ARHGEF40: variants seen among roughly 807,000 people sequenced by gnomAD.
ARHGEF40 encodes the protein Rho guanine nucleotide exchange factor 40.
ARHGEF40 carries 98 observed loss-of-function variants against 165.9 expected under a neutral mutation model. That is an observed-to-expected ratio of 0.59 (90% CI 0.50 to 0.70). The LOEUF (loss-of-function observed/expected upper bound fraction) is 0.70. Among genes scored for constraint, ARHGEF40 ranks in the 30% least tolerant of loss-of-function variants. ARHGEF40 has a pLI of 0.00. For missense variants in ARHGEF40, 1,815 were observed against 1,968.0 expected, an observed-to-expected ratio of 0.92 and a Z score of 1.47; for synonymous variants, 792 against 814.3, an observed-to-expected ratio of 0.97 and a Z score of 0.47.
chr14:21,080,862 C>T lies in ARHGEF40; in HGVS notation c.2497-11C>T, dbSNP rs753196092. 2 of 1,612,570 alleles carry T rather than the reference C, an allele frequency of 1.2e-6. No individual in the cohort carries two copies. The highest frequency in any genetic ancestry group is 2.2e-5 in the South Asian group (2 of 90,900). On this transcript the variant is annotated splice_polypyrimidine_tract_variant and intron_variant, in intron 12 of 23. Transcript: ENST00000298694. ...TGAGGACCAGGTCTGAGCGCAGCCT[C>T]CCTTCTCCAGGAGCGCCTGGCCCAG...
chr14:21,079,238 C>T (rs960393895), intron 11 of ARHGEF40, among the ~76,000 whole-genome samples: 3 of 152,152 alleles, frequency 2.0e-5, no homozygotes, highest in African/African-American at 7.2e-5. Flanking sequence ...TACACTTGAT[C>T]GAAAATGCTG....
chr14:21,069,523 C>T (rs1263060453), upstream of ARHGEF40, among the ~76,000 whole-genome samples: 1 of 152,202 alleles, frequency 6.6e-6, no homozygotes, highest in South Asian at 2.1e-4. Context: ...AAATGTCCGG[C>T]GAAATGCACG....
upstream of ARHGEF40, among the ~76,000 whole-genome samples, chr14:21,065,785 A>G (rs1234939478): frequency 6.6e-6 from 1 of 152,228 alleles, no homozygotes; most frequent in Non-Finnish European, 1.5e-5. Context: ...CTTTAGGAAT[A>G]AGTAAGGCAT....
intron 17 of ARHGEF40, 114 bp from the exon 18 acceptor site, chr14:21,084,639 C>A: frequency 1.7e-6 from 2 of 1,199,492 alleles, no homozygotes; most frequent in Non-Finnish European, 2.3e-6. Flanking sequence ...GACTTCCTGA[C>A]TCTACCTGAG....
Position 21,073,900 on chromosome 14 carries a change from G to T in ARHGEF40, c.202-32G>T. 6.4e-7 allele frequency: 1 copy of T among 1,567,464 alleles called. No homozygotes were observed. The highest frequency in any genetic ancestry group is 8.6e-7 in the Non-Finnish European group (1 of 1,161,864). ...TCTCCTGCTGGTTTCTTCAGCAGAG[G>T]CCTGAGTGCAGCCTCCCACCTCTCT... is the stretch of plus-strand genomic sequence containing the variant. On this transcript the variant is annotated intron_variant, in intron 2 of 23. Coordinates refer to ENST00000298694, the MANE Select transcript of ARHGEF40 (RefSeq NM_018071.5). The surrounding 1 kb of genome is among the most constrained non-coding windows in gnomAD (Gnocchi z 4.6).
chr14:21,082,421 G>A lies in ARHGEF40; in HGVS notation c.3429G>A (p.Arg1143=), dbSNP rs1274261601. ...LRSFHRTHFL[R]ELQGCATHPL... ...GCTTCCACCGGACACACTTTCTGCG[G>A]GAGCTTCAGGGCTGCGCCACCCACC... Residue 1143 remains arginine (R), a synonymous_variant, in exon 15 of 24, where the codon CGG becomes CGA. Coordinates refer to ENST00000298694, the MANE Select transcript of ARHGEF40 (RefSeq NM_018071.5). 1 of 1,610,104 alleles carries A rather than the reference G, an allele frequency of 6.2e-7. No homozygotes were observed. The highest frequency in any genetic ancestry group is 8.5e-7 in the Non-Finnish European group (1 of 1,178,204).
Position 21,075,663 on chromosome 14 carries a change from G to A in ARHGEF40, c.1637G>A (p.Gly546Glu). 2 of 1,613,896 alleles carry A rather than the reference G, an allele frequency of 1.2e-6. No homozygotes were observed. The highest frequency in any genetic ancestry group is 2.2e-5 in the South Asian group (2 of 91,066). Residue 546 changes from glycine to glutamate, a missense_variant, in exon 5 of 24, where the codon GGG (glycine) becomes GAG (glutamate). Coordinates refer to ENST00000298694, the MANE Select transcript of ARHGEF40 (RefSeq NM_018071.5). This position sits in a 1 kb window ranked among gnomAD's most constrained non-coding sequence, Gnocchi z 4.5. Reference protein sequence around the residue: ...LILTGGVDQSGRALLTITPPC... With the variant: ...LILTGGVDQSERALLTITPPC... The stretch of plus-strand genomic sequence containing the variant: ...TCTTCAGGAGGGGTGGACCAGAGTG[G>A]GCGAGCTCTGCTGACCATTACCCCA...
chr14:21,061,408 G>C, the ARHGEF40 span, among the ~76,000 whole-genome samples: 1 of 152,162 alleles, frequency 6.6e-6, no homozygotes, highest in East Asian at 1.9e-4. Flanking sequence ...TCCTTGTGTA[G>C]GCTGAAGAAT....
chr14:21,085,602 T>A, intron 18 of ARHGEF40, 87 bp from the exon 19 acceptor site: 1 of 1,473,150 alleles, frequency 6.8e-7, no homozygotes, highest in South Asian at 1.3e-5. Context: ...ATCTATCAGA[T>A]GCCAGGCGAA....
Position 21,084,736 on chromosome 14 carries a change from C to G in ARHGEF40, c.3790-17C>G, listed in dbSNP as rs545167515. The G allele has an allele frequency of 1.9e-6, 3 of 1,606,388 alleles. No individual in the cohort carries two copies. The East Asian group carries it at 6.7e-5, about 36-fold the overall frequency. On this transcript the variant is annotated splice_polypyrimidine_tract_variant and intron_variant, in intron 17 of 23. Coordinates refer to ENST00000298694, the MANE Select transcript of ARHGEF40 (RefSeq NM_018071.5). ...AAGGGCCCCTGGGCCAACCACTTTT[C>G]CTTTTCCTTTCTCCAGATAGATCTG...
rs571540538 is a variant in ARHGEF40, at chr14:21,083,703, T to C, written c.3574-132T>C. ...TCTTTCCAGGGAGAATGGTTTTGCC[T>C]TACTTTAGGGAGCATCTGGGCTTCA... is the stretch of plus-strand genomic sequence containing the variant. On this transcript the variant is annotated intron_variant, in intron 16 of 23. Coordinates refer to ENST00000298694, the MANE Select transcript of ARHGEF40 (RefSeq NM_018071.5). The C allele has an allele frequency of 7.1e-5, 55 of 774,734 alleles. 1 individual carries two copies. In the South Asian group the frequency reaches 1.0e-3, roughly 14 times the overall value. 48.0% of individuals were successfully genotyped at this position (774,734 alleles called of 1,614,324 possible).
chr14:21,070,324 G>A lies in ARHGEF40; in HGVS notation c.-73G>A. 1 of 1,388,330 alleles carries A rather than the reference G, an allele frequency of 7.2e-7. No homozygotes were observed. The highest frequency in any genetic ancestry group is 9.3e-7 in the Non-Finnish European group (1 of 1,074,090). The allele number at this position is 1,388,330 out of a possible 1,614,324, so 86.0% of individuals were successfully genotyped here. On this transcript the variant is annotated 5_prime_UTR_variant, in exon 1 of 24. Coordinates refer to ENST00000298694, the MANE Select transcript of ARHGEF40 (RefSeq NM_018071.5). The surrounding 1 kb of genome is among the most constrained non-coding windows in gnomAD (Gnocchi z 4.7). Reference sequence around the variant, plus strand: ...TAGCCAGACCCGGCGAGACACGAGCGGCGGGAGGGAGGCGGTGGCGCGCCC... The same window carrying A: ...TAGCCAGACCCGGCGAGACACGAGCAGCGGGAGGGAGGCGGTGGCGCGCCC...
At chr14:21,062,049 A>G in the ARHGEF40 span, among the ~76,000 whole-genome samples, 9 of 152,238 alleles carry the variant, frequency 5.9e-5, no homozygotes, top group African/African-American at 2.4e-5. Context: ...GGTGAATACA[A>G]TTCTTTAAAG....
intron 1 of ARHGEF40, among the ~76,000 whole-genome samples, chr14:21,071,621 T>C (rs1200296102): frequency 1.5e-5 from 2 of 134,942 alleles, no homozygotes; most frequent in African/African-American, 5.5e-5. Flanking sequence ...CCTCCCCTCC[T>C]GCCGCGGCCG....
intron 8 of ARHGEF40, among the ~76,000 whole-genome samples, chr14:21,077,109 T>C (rs1268215938): frequency 6.6e-6 from 1 of 152,048 alleles, no homozygotes; most frequent in Non-Finnish European, 1.5e-5. Context: ...TGATAAATTA[T>C]TATAATTATT....
rs547827038 is a variant in ARHGEF40 at position 21,080,924 on chromosome 14, T to C, written c.2548T>C (p.Ser850Pro). Residue 850 changes from serine (S) to proline (P), a missense_variant, in exon 13 of 24, where the codon TCC becomes CCC. Ser to Pro is a moderately conservative substitution (Grantham distance 74). Coordinates refer to ENST00000298694, the MANE Select transcript of ARHGEF40 (RefSeq NM_018071.5). The part of the protein sequence containing the change: ...EALALEENAT[S>P]QKVLDIFEQR... ...CCTGGCTCTGGAGGAGAATGCCACC[T>C]CCCAGAAGGTGCTGGATATCTTTGA... The C allele has an allele frequency of 2.4e-5, 39 of 1,614,180 alleles. No individual in the cohort carries two copies. In the South Asian group the frequency reaches 4.3e-4, roughly 18 times the overall value.
In ARHGEF40 at chr14:21,075,823, T is replaced by G; in HGVS notation, c.1739+58T>G. The G allele has an allele frequency of 1.9e-6, 3 of 1,578,588 alleles. No homozygotes were observed. The highest frequency in any genetic ancestry group is 2.6e-6 in the Non-Finnish European group (3 of 1,160,350). ...CTAACCTCCTGATTCATGAGGACCC[T>G]CACCTCCTTCTTCTCAGGACACTGA... is the stretch of plus-strand genomic sequence containing the variant. On this transcript the variant is annotated intron_variant, in intron 5 of 23. Transcript: ENST00000298694. This position sits in a 1 kb window ranked among gnomAD's most constrained non-coding sequence, Gnocchi z 4.5.
chr14:21,073,300 G>A lies in ARHGEF40; in HGVS notation c.201+58G>A. ...CCAAGATCCACTGCCACACTCTACA[G>A]ACTAGCCAGGCTGACTAATGCCCCC... is the stretch of plus-strand genomic sequence containing the variant. On this transcript the variant is annotated intron_variant, in intron 2 of 23. Coordinates refer to ENST00000298694, the MANE Select transcript of ARHGEF40 (RefSeq NM_018071.5). This position sits in a 1 kb window ranked among gnomAD's most constrained non-coding sequence, Gnocchi z 4.6. 6.6e-7 allele frequency: 1 copy of A among 1,525,554 alleles called. No homozygotes were observed. Among genetic ancestry groups the A allele is most frequent in the East Asian group, 2.5e-5 (1 of 40,744 alleles). The allele number at this position is 1,525,554 out of a possible 1,614,324, so 94.5% of individuals were successfully genotyped here.
the ARHGEF40 span, among the ~76,000 whole-genome samples, chr14:21,064,448 C>G: frequency 6.6e-6 from 1 of 152,206 alleles, no homozygotes; most frequent in East Asian, 1.9e-4. Flanking sequence ...ATTACAGGTG[C>G]ACACTGCCAC....
Sources: allele counts gnomAD v4.1 joint callset (sites outside exome capture counted in the v4.1 genomes callset), GRCh38; gene constraint gnomAD v4.1.1; non-coding constraint Gnocchi (gnomAD v3.1); transcripts MANE v1.5; gene names NCBI Gene and HGNC (gene_info 2026-07-23, HGNC 2026-07-21).